Variants in TRIP12 observed in about 807,000 individuals in gnomAD.
TRIP12 encodes the protein E3 ubiquitin-protein ligase TRIP12.
In TRIP12, 25 loss-of-function variants were observed where a neutral mutation model predicts 244.2. The ratio of observed to expected loss-of-function variants is 0.10; its 90% CI spans 0.07 to 0.14. The LOEUF is 0.14. Among genes scored for constraint, TRIP12 ranks in the 10% least tolerant of loss-of-function variants. TRIP12 has a pLI of 1.00. For missense variants in TRIP12, 1,677 were observed against 2,486.4 expected, an observed-to-expected ratio of 0.67 and a Z score of 6.92; for synonymous variants, 905 against 873.1, an observed-to-expected ratio of 1.04 and a Z score of -0.64.
chr2:229,907,007 CTT>C (rs2073053700), intron 1 of TRIP12, among the ~76,000 whole-genome samples: 1 of 152,132 alleles, frequency 6.6e-6, no homozygotes, highest in South Asian at 2.1e-4. Flanking sequence ...CCCCACAAAA[CTT>C]TTCTAAGTGT....
At position 229,840,803 on chromosome 2, in the gene TRIP12, A is replaced by T. The variant is rs763002938; in HGVS notation, c.1133+19T>A. The T allele has an allele frequency of 9.4e-5, 143 of 1,514,616 alleles. No homozygotes were observed. Among genetic ancestry groups the T allele is most frequent in the Non-Finnish European group, 1.1e-4 (124 of 1,123,068 alleles). 93.8% of individuals were successfully genotyped at this position (1,514,616 alleles called of 1,614,324 possible). A position where few individuals can be genotyped will look rare whatever the true frequency, so the allele number is the denominator to read the frequency against. On this transcript the variant is annotated intron_variant, in intron 5 of 41. Coordinates refer to ENST00000675903, the MANE Select transcript of TRIP12 (RefSeq NM_001348323.3). The stretch of plus-strand genomic sequence containing the variant: ...CAGAATAAAAATGAACTCACTATAA[A>T]AAAAAAAAAACAAATTACCTGGTAC...
rs943148160 is a variant in TRIP12, at chr2:229,896,704, G to C, written c.-49-16576C>G. Reference sequence around the variant, plus strand: ...ACTCCATCTCTAGTTAAGATTATCAGACTAGGCTTTTAAAATACTCTAACT... The same window carrying C: ...ACTCCATCTCTAGTTAAGATTATCACACTAGGCTTTTAAAATACTCTAACT... On this transcript the variant is annotated intron_variant, in intron 1 of 41. Coordinates refer to ENST00000675903, the MANE Select transcript of TRIP12 (RefSeq NM_001348323.3). Among the ~76,000 whole-genome samples the C allele has an allele frequency of 4.6e-5, 7 of 152,142 alleles. No homozygotes were observed. The East Asian group carries it at 1.3e-3, about 29-fold the overall frequency.
At chr2:229,780,152 A>AT (rs1426248269) in intron 34 of TRIP12, among the ~76,000 whole-genome samples, 1 of 152,168 alleles carries the variant, frequency 6.6e-6, no homozygotes, top group Non-Finnish European at 1.5e-5. Flanking sequence ...TGCTTTCCTG[A>AT]TTAACCCCAA....
chr2:229,893,934 A>G (rs566218291), intron 1 of TRIP12, among the ~76,000 whole-genome samples: 169 of 152,272 alleles, frequency 1.1e-3, no homozygotes, highest in African/African-American at 3.9e-3. Flanking sequence ...GCTGGTCCCA[A>G]ACTCCTGGAC....
At position 229,778,901 on chromosome 2, in the gene TRIP12, T is replaced by C; in HGVS notation, c.5184A>G (p.Glu1728=). 6.2e-7 allele frequency: 1 copy of C among 1,613,978 alleles called. No individual in the cohort carries two copies. The highest frequency in any genetic ancestry group is 8.5e-7 in the Non-Finnish European group (1 of 1,179,850). ...CTTTTGGATTGCTAAGAGTTACTTCTTCACCTCTCCAAAGACCCAAGTCAG... is the reference window on the plus strand; with the variant it reads ...CTTTTGGATTGCTAAGAGTTACTTCCTCACCTCTCCAAAGACCCAAGTCAG... ...QRADLGLWRG[E]EVTLSNPKGS... The change falls in exon 35 of 42, where the codon GAA becomes GAG. Residue 1728 remains glutamate (E), a synonymous_variant. Transcript: ENST00000675903. The surrounding 1 kb of genome is among the most constrained non-coding windows in gnomAD (Gnocchi z 4.1).
Position 229,799,067 on chromosome 2 carries a change from A to T in TRIP12, c.3308-18T>A. The T allele has an allele frequency of 1.2e-6, 2 of 1,612,570 alleles. No homozygotes were observed. Among genetic ancestry groups the T allele is most frequent in the East Asian group, 2.2e-5 (1 of 44,882 alleles). On this transcript the variant is annotated intron_variant, in intron 22 of 41. Transcript: ENST00000675903. Reference sequence around the variant, plus strand: ...GCTTTTAGCTATGAAAAGAAAAAAGAACTACAGTTAAGTCATTTTAGTTTA... The same window carrying T: ...GCTTTTAGCTATGAAAAGAAAAAAGTACTACAGTTAAGTCATTTTAGTTTA...
chr2:229,922,336 G>A, upstream of TRIP12: 1 of 620,084 alleles, frequency 1.6e-6, no homozygotes, highest in South Asian at 2.0e-5. Context: ...CCTGGAGCTG[G>A]AAATTTCACG....
intron 2 of TRIP12, among the ~76,000 whole-genome samples, chr2:229,874,910 C>T (rs764931416): frequency 2.6e-5 from 4 of 152,134 alleles, no homozygotes; most frequent in Non-Finnish European, 5.9e-5. Context: ...CTACCACTGC[C>T]ACTTGAGAAA....
In TRIP12 at chr2:229,768,865, TTC is replaced by T. The variant is rs1362622866; in HGVS notation, c.5904-148_5904-147del. The T allele has an allele frequency of 1.3e-4, 99 of 777,270 alleles. 2 individuals are homozygous for T. The South Asian group carries it at 1.4e-3, about 11-fold the overall frequency. The allele number at this position is 777,270 out of a possible 1,614,324, so 48.1% of individuals were successfully genotyped here. ...TCCATTACAATGTACTTAAATTCGTTTCTGTTATGACTAGACTAGAATTCAAA... is the reference window on the plus strand; with the variant it reads ...TCCATTACAATGTACTTAAATTCGTTTGTTATGACTAGACTAGAATTCAAA... On this transcript the variant is annotated intron_variant, in intron 40 of 41. Coordinates refer to ENST00000675903, the MANE Select transcript of TRIP12 (RefSeq NM_001348323.3).
chr2:229,867,918 G>T (rs1249288556), intron 2 of TRIP12, among the ~76,000 whole-genome samples: 1 of 152,050 alleles, frequency 6.6e-6, no homozygotes, highest in Non-Finnish European at 1.5e-5. Flanking sequence ...AATTTAACAC[G>T]GGTACTACTA....
chr2:229,805,619 T>C (rs1249091962), intron 18 of TRIP12, 111 bp downstream of exon 18: 5 of 1,099,010 alleles, frequency 4.5e-6, no homozygotes, highest in African/African-American at 3.1e-5. Context: ...ATTATTGTTA[T>C]GCAATTGTCT....
Position 229,804,296 on chromosome 2 carries a change from T to A in TRIP12, c.2651-69A>T. 1.3e-5 allele frequency: 17 copies of A among 1,321,668 alleles called. No homozygotes were observed. The East Asian group carries it at 1.4e-4, about 11-fold the overall frequency. 81.9% of individuals were successfully genotyped at this position (1,321,668 alleles called of 1,614,324 possible). On this transcript the variant is annotated intron_variant, in intron 18 of 41. Coordinates refer to ENST00000675903, the MANE Select transcript of TRIP12 (RefSeq NM_001348323.3). ...GACTTCAGAAACACAATAAACAATA[T>A]AAAATACTCAAGCCAGTGTAATTCT...
Position 229,796,787 on chromosome 2 carries a change from AAG to A in TRIP12, c.3625-7_3625-6del. 6.4e-7 allele frequency: 1 copy of A among 1,551,536 alleles called. No individual in the cohort carries two copies. Among genetic ancestry groups the A allele is most frequent in the Non-Finnish European group, 8.7e-7 (1 of 1,155,428 alleles). ...GCACTCAGCTCCACCATCCACCTGA[AAG>A]AGTTAGGAAAAGTATTTCTATATTG... On this transcript the variant is annotated splice_region_variant and splice_polypyrimidine_tract_variant and intron_variant, in intron 24 of 41. Transcript: ENST00000675903.
intron 34 of TRIP12, among the ~76,000 whole-genome samples, chr2:229,784,121 A>AAAG (rs1559374538): frequency 6.6e-6 from 1 of 151,280 alleles, no homozygotes; most frequent in African/African-American, 2.4e-5. Flanking sequence ...AAAAAAAAAA[A>AAAG]AGAGAGAGAA....
At chr2:229,897,520 C>T (rs538103702) in intron 1 of TRIP12, among the ~76,000 whole-genome samples, 19 of 152,190 alleles carry the variant, frequency 1.2e-4, no homozygotes, top group Non-Finnish European at 1.9e-4. Context: ...TGGTGGCATG[C>T]GCCTGTAATC....
intron 4 of TRIP12, among the ~76,000 whole-genome samples, chr2:229,850,489 T>C (rs2058448289): frequency 6.6e-6 from 1 of 152,238 alleles, no homozygotes; most frequent in Non-Finnish European, 1.5e-5. Context: ...ATTATCTACC[T>C]TTTTCACGCA....
At chr2:229,855,617 A>G (rs951667257) in intron 4 of TRIP12, among the ~76,000 whole-genome samples, 5 of 126,474 alleles carry the variant, frequency 4.0e-5, no homozygotes, top group South Asian at 3.0e-4. Context: ...AAAAAAAAAA[A>G]AAAAAAAGAG....
intron 1 of TRIP12, among the ~76,000 whole-genome samples, chr2:229,916,206 G>A (rs916908076): frequency 3.3e-5 from 5 of 152,168 alleles, no homozygotes; most frequent in Admixed American, 1.3e-4. Flanking sequence ...TTTCAGATTA[G>A]GCACTTGAAG....
intron 30 of TRIP12, among the ~76,000 whole-genome samples, chr2:229,790,199 G>C (rs1263806252): frequency 6.6e-6 from 1 of 152,154 alleles, no homozygotes; most frequent in Non-Finnish European, 1.5e-5. Context: ...TTAATGCAAG[G>C]CTTAGGACTG....
Sources: gnomAD v4.1 joint callset for allele counts (sites outside exome capture counted in the v4.1 genomes callset) on GRCh38, gnomAD v4.1.1 for gene constraint, Gnocchi (gnomAD v3.1) non-coding constraint, MANE v1.5 for transcripts, NCBI Gene and HGNC (gene_info 2026-07-23, HGNC 2026-07-21) for gene names.